P2RY8: variants seen among roughly 807,000 people sequenced by gnomAD.
P2RY8 encodes the protein P2Y receptor family member 8.
A neutral mutation model predicts 10.0 loss-of-function variants in P2RY8; 6 were observed. The ratio of observed to expected loss-of-function variants is 0.60; its 90% CI spans 0.33 to 1.19. P2RY8 has a LOEUF of 1.19. Ranked by LOEUF, P2RY8 falls within the 50% of genes most tolerant of loss-of-function variation. The pLI is 0.04. For synonymous variants in P2RY8, 276 were observed against 252.5 expected (o/e 1.09, Z -0.88); for missense variants, 456 against 542.0 (o/e 0.84, Z 1.58).
chrX:1,521,227 T>G (rs1313321593), intron 1 of P2RY8, among the ~76,000 whole-genome samples: 1 of 151,968 alleles, frequency 6.6e-6, no homozygotes, highest in Non-Finnish European at 1.5e-5. Context: ...TTTTGTATTT[T>G]AGTAGAGACG....
chrX:1,529,740 T>C (rs1235442003), intron 1 of P2RY8, among the ~76,000 whole-genome samples: 3 of 152,122 alleles, frequency 2.0e-5, no homozygotes, highest in Non-Finnish European at 2.9e-5. Context: ...GGCACCTATA[T>C]CTATTTATTT....
chrX:1,536,279 C>A (rs1177534076), intron 1 of P2RY8, among the ~76,000 whole-genome samples: 1 of 144,552 alleles, frequency 6.9e-6, no homozygotes, highest in Non-Finnish European at 1.5e-5. Context: ...TTTTTTTTTT[C>A]TAAACAGAGT....
At chrX:1,490,758 A>C (rs1290029331) in intron 1 of P2RY8, among the ~76,000 whole-genome samples, 2 of 149,086 alleles carry the variant, frequency 1.3e-5, no homozygotes, top group Admixed American at 1.3e-4. Context: ...AATGAATGAT[A>C]CCCCAGATTC....
intron 1 of P2RY8, among the ~76,000 whole-genome samples, chrX:1,519,604 C>T (rs1190558728): frequency 6.6e-6 from 1 of 151,422 alleles, no homozygotes; most frequent in Non-Finnish European, 1.5e-5. Flanking sequence ...GTCTCTAATC[C>T]CCAATTATCT....
intron 1 of P2RY8, among the ~76,000 whole-genome samples, chrX:1,514,705 TTCCCTTC>T (rs2092328588): frequency 6.9e-5 from 1 of 14,498 alleles, no homozygotes; most frequent in Non-Finnish European, 1.6e-4. Context: ...CTTCCCTTCC[TTCCCTTC>T]CTTCCCTTCC....
chrX:1,478,273 G>GTGTGTGTGTGTGTGAGTGTGCA (rs539376483), intron 1 of P2RY8, among the ~76,000 whole-genome samples: 1 of 133,568 alleles, frequency 7.5e-6, no homozygotes, highest in Non-Finnish European at 1.6e-5. Flanking sequence ...GTGTGTGTGT[G>GTGTGTGTGTGTGTGAGTGTGCA]CCCAGCAGGG....
At chrX:1,504,226 G>A (rs1316952536) in intron 1 of P2RY8, among the ~76,000 whole-genome samples, 1 of 151,578 alleles carries the variant, frequency 6.6e-6, no homozygotes, top group African/African-American at 2.4e-5. Context: ...TGAGGCAGGA[G>A]AATCGCTGGA....
intron 1 of P2RY8, among the ~76,000 whole-genome samples, chrX:1,475,688 G>A (rs1349236332): frequency 6.6e-6 from 1 of 152,110 alleles, no homozygotes; most frequent in African/African-American, 2.4e-5. Context: ...TATAGGATAA[G>A]AGAAAGAAAT....
chrX:1,502,335 C>T (rs1360296011), intron 1 of P2RY8, among the ~76,000 whole-genome samples: 11 of 152,136 alleles, frequency 7.2e-5, no homozygotes, highest in South Asian at 4.1e-4. Context: ...TCCCGGGGGG[C>T]AGGGGTGGGG....
chrX:1,501,182 G>T (rs1279915690), intron 1 of P2RY8, among the ~76,000 whole-genome samples: 1 of 152,326 alleles, frequency 6.6e-6, no homozygotes, highest in East Asian at 1.9e-4. Flanking sequence ...TTGGAAGGAG[G>T]TGGCTGTGTC....
At chrX:1,473,580 G>A (rs1317299913) in intron 1 of P2RY8, among the ~76,000 whole-genome samples, 2 of 150,828 alleles carry the variant, frequency 1.3e-5, no homozygotes, top group Admixed American at 6.6e-5. Flanking sequence ...GAATGGGTGG[G>A]TAGGTGGGTG....
intron 1 of P2RY8, among the ~76,000 whole-genome samples, chrX:1,511,840 C>G (rs2092299509): frequency 6.6e-6 from 1 of 152,230 alleles, no homozygotes; most frequent in South Asian, 2.1e-4. Context: ...CTGATTGACA[C>G]ATGGCCTCCT....
At position 1,516,862 on chromosome X, in the gene P2RY8, G is replaced by T. The variant is rs1385441085; in HGVS notation, c.-25+20059C>A. ...AGGAGAGAGTCCTCAGGAGGAACCAGCCCTGCCCGTTCGCTGATCTCAGAC... is the reference window on the plus strand; with the variant it reads ...AGGAGAGAGTCCTCAGGAGGAACCATCCCTGCCCGTTCGCTGATCTCAGAC... On this transcript the variant is annotated intron_variant, in intron 1 of 1. Transcript: ENST00000381297. Among the ~76,000 whole-genome samples, 3 of 150,534 alleles carry T rather than the reference G, an allele frequency of 2.0e-5. 1 individual carries two copies. The highest frequency in any genetic ancestry group is 4.4e-5 in the Non-Finnish European group (3 of 67,576).
At chrX:1,533,002 C>CAAAAAA (rs56945483) in intron 1 of P2RY8, among the ~76,000 whole-genome samples, 2 of 76,064 alleles carry the variant, frequency 2.6e-5, no homozygotes, top group African/African-American at 1.1e-4. Flanking sequence ...AACTCTGTCT[C>CAAAAAA]AAAAAAAAAA....
chrX:1,490,143 G>T (rs2092029608), intron 1 of P2RY8, among the ~76,000 whole-genome samples: 2 of 144,038 alleles, frequency 1.4e-5, no homozygotes, highest in Non-Finnish European at 3.0e-5. Flanking sequence ...ATGAATGAAT[G>T]ATACCCAGAT....
At chrX:1,526,647 C>T (rs746482489) in intron 1 of P2RY8, among the ~76,000 whole-genome samples, 61 of 151,744 alleles carry the variant, frequency 4.0e-4, no homozygotes, top group African/African-American at 1.5e-3. Context: ...TTTATCCACT[C>T]ATTCATTCCT....
At chrX:1,479,962 T>C (rs1244592436) in intron 1 of P2RY8, among the ~76,000 whole-genome samples, 1 of 152,208 alleles carries the variant, frequency 6.6e-6, no homozygotes, top group African/African-American at 2.4e-5. Context: ...AGTGAGCCTA[T>C]ATCTCTTAAA....
At chrX:1,533,739 ATATTATT>A (rs1300605785) in intron 1 of P2RY8, among the ~76,000 whole-genome samples, 3 of 123,922 alleles carry the variant, frequency 2.4e-5, no homozygotes, top group African/African-American at 9.7e-5. Context: ...TATTATTCAT[ATATTATT>A]TATTATTTAT....
At chrX:1,482,885 T>C (rs1400654472) in intron 1 of P2RY8, among the ~76,000 whole-genome samples, 4 of 151,590 alleles carry the variant, frequency 2.6e-5, no homozygotes, top group African/African-American at 7.3e-5. Flanking sequence ...TAGGTGGGAA[T>C]TGAACCATGA....
Sources: gnomAD v4.1 joint callset for allele counts (sites outside exome capture counted in the v4.1 genomes callset) on GRCh38, gnomAD v4.1.1 for gene constraint, MANE v1.5 for transcripts, NCBI Gene and HGNC (gene_info 2026-07-23, HGNC 2026-07-21) for gene names.